CHRM3: variants seen among roughly 807,000 people sequenced by gnomAD.
The protein encoded by CHRM3 is cholinergic receptor muscarinic 3.
In CHRM3, 11 loss-of-function variants were observed where a neutral mutation model predicts 41.8. That is an observed-to-expected ratio of 0.26 (90% CI 0.17 to 0.44). The LOEUF (loss-of-function observed/expected upper bound fraction) is 0.44. Among genes scored for constraint, CHRM3 ranks in the 20% least tolerant of loss-of-function variants. The probability of loss-of-function intolerance (pLI) is 1.00; values close to 1 mark genes in which losing one functional copy is unlikely to be tolerated. For missense variants in CHRM3, 571 were observed against 745.4 expected, an observed-to-expected ratio of 0.77 and a Z score of 2.72; for synonymous variants, 297 against 301.4, an observed-to-expected ratio of 0.99 and a Z score of 0.15.
intron 3 of CHRM3, among the ~76,000 whole-genome samples, chr1:239,575,138 C>T (rs1316374396): frequency 1.3e-5 from 2 of 152,132 alleles, no homozygotes; most frequent in Non-Finnish European, 2.9e-5. Flanking sequence ...TAAATAGACT[C>T]AAGTCTTGTT....
chr1:239,419,807 G>A (rs1661798515), intron 1 of CHRM3, among the ~76,000 whole-genome samples: 1 of 152,068 alleles, frequency 6.6e-6, no homozygotes, highest in Non-Finnish European at 1.5e-5. Context: ...ATTCTTCATG[G>A]GCTTATAAGA....
intron 1 of CHRM3, among the ~76,000 whole-genome samples, chr1:239,445,304 G>A (rs538774140): frequency 1.3e-5 from 2 of 152,176 alleles, no homozygotes; most frequent in Non-Finnish European, 1.5e-5. Context: ...TACCTTCTTA[G>A]CACCCTCATG....
At chr1:239,579,952 C>G (rs1662714337) in intron 3 of CHRM3, among the ~76,000 whole-genome samples, 1 of 152,122 alleles carries the variant, frequency 6.6e-6, no homozygotes, top group Non-Finnish European at 1.5e-5. Flanking sequence ...CTGCAGCTCA[C>G]AGATGTGTGA....
intron 5 of CHRM3, among the ~76,000 whole-genome samples, chr1:239,680,475 A>G (rs939918694): frequency 6.6e-6 from 1 of 152,080 alleles, no homozygotes; most frequent in African/African-American, 2.4e-5. Flanking sequence ...AAGTATAGAA[A>G]TGACAGACAT....
chr1:239,488,823 A>T (rs770281760), intron 1 of CHRM3, among the ~76,000 whole-genome samples: 11 of 151,698 alleles, frequency 7.3e-5, no homozygotes, highest in Non-Finnish European at 1.6e-4. Flanking sequence ...AAGAAAGTAC[A>T]GCATATACTG....
At chr1:239,733,679 G>A (rs187180310) in intron 5 of CHRM3, among the ~76,000 whole-genome samples, 2 of 152,056 alleles carry the variant, frequency 1.3e-5, no homozygotes, top group Admixed American at 6.6e-5. Flanking sequence ...TAAAATTAAA[G>A]GATGAAGATT....
chr1:239,534,125 C>T (rs372023918), intron 2 of CHRM3, among the ~76,000 whole-genome samples: 3 of 152,088 alleles, frequency 2.0e-5, no homozygotes, highest in Non-Finnish European at 2.9e-5. Flanking sequence ...GTCAGGAGTT[C>T]GAGACCAGCC....
chr1:239,806,889 C>A (rs1356636215), intron 5 of CHRM3, among the ~76,000 whole-genome samples: 1 of 152,154 alleles, frequency 6.6e-6, no homozygotes, highest in Admixed American at 6.5e-5. Flanking sequence ...ATAAACTGTT[C>A]ACAGAAGAAT....
chr1:239,678,109 A>G (rs1037056632), intron 4 of CHRM3, 77 bp from the exon 5 acceptor site: 1 of 152,226 alleles, frequency 6.6e-6, no homozygotes, highest in African/African-American at 2.4e-5. Flanking sequence ...TCCATCTCAC[A>G]ATTCAGTGAT....
At chr1:239,848,074 A>G (rs1462487649) in intron 6 of CHRM3, among the ~76,000 whole-genome samples, 1 of 151,762 alleles carries the variant, frequency 6.6e-6, no homozygotes, top group African/African-American at 2.4e-5. Flanking sequence ...TATTAAAAAT[A>G]CCCTTTTAAG....
intron 1 of CHRM3, among the ~76,000 whole-genome samples, chr1:239,441,783 T>C (rs927800666): frequency 6.6e-6 from 1 of 152,214 alleles, no homozygotes; most frequent in African/African-American, 2.4e-5. Flanking sequence ...AAAATTCTGC[T>C]TCAAACCTGC....
chr1:239,694,982 T>A (rs534173509), intron 5 of CHRM3, among the ~76,000 whole-genome samples: 7 of 150,558 alleles, frequency 4.6e-5, no homozygotes, highest in Non-Finnish European at 1.0e-4. Flanking sequence ...AAGATGGAAC[T>A]GATTATTGAA....
chr1:239,478,880 A>G (rs766458482), intron 1 of CHRM3, among the ~76,000 whole-genome samples: 1 of 152,154 alleles, frequency 6.6e-6, no homozygotes, highest in Non-Finnish European at 1.5e-5. Context: ...ATGGTTTTTC[A>G]CAAATTAAAA....
chr1:239,589,550 G>T (rs1265728506), intron 3 of CHRM3, among the ~76,000 whole-genome samples: 1 of 146,420 alleles, frequency 6.8e-6, no homozygotes, highest in Non-Finnish European at 1.5e-5. Context: ...TAATTTCCAT[G>T]CATTAATATG....
intron 4 of CHRM3, among the ~76,000 whole-genome samples, chr1:239,639,425 C>T (rs1670851496): frequency 6.6e-6 from 1 of 152,098 alleles, no homozygotes; most frequent in Non-Finnish European, 1.5e-5. Context: ...TTCTTTGTAT[C>T]CTCTTTTATT....
intron 3 of CHRM3, among the ~76,000 whole-genome samples, chr1:239,617,679 A>G (rs1667781180): frequency 6.6e-6 from 1 of 152,174 alleles, no homozygotes; most frequent in Non-Finnish European, 1.5e-5. Context: ...GGCTGCAATG[A>G]GCTGTGATGG....
rs538295474 is a variant in CHRM3 at position 239,659,180 on chromosome 1, C to T, written c.-249-19006C>T. Among the ~76,000 whole-genome samples, 26 of 152,234 alleles carry T rather than the reference C, an allele frequency of 1.7e-4. No individual in the cohort carries two copies. In the South Asian group the frequency reaches 2.9e-3, roughly 17 times the overall value. Reference sequence around the variant, plus strand: ...TTCTGCTTTATGTTCTCTTTCTATACGTGTTCTCTGCTCCCTGTGTCTCTG... The same window carrying T: ...TTCTGCTTTATGTTCTCTTTCTATATGTGTTCTCTGCTCCCTGTGTCTCTG... On this transcript the variant is annotated intron_variant, in intron 4 of 6. Coordinates refer to ENST00000676153, the MANE Select transcript of CHRM3 (RefSeq NM_001375978.1).
At chr1:239,836,715 C>T (rs1317337687) in intron 6 of CHRM3, among the ~76,000 whole-genome samples, 2 of 152,122 alleles carry the variant, frequency 1.3e-5, no homozygotes, top group Non-Finnish European at 2.9e-5. Flanking sequence ...TGGTGGCTCA[C>T]GTCTGTAATC....
At chr1:239,488,165 T>C (rs1667310549) in intron 1 of CHRM3, among the ~76,000 whole-genome samples, 1 of 152,132 alleles carries the variant, frequency 6.6e-6, no homozygotes, top group Admixed American at 6.6e-5. Flanking sequence ...TTTGGCTAAT[T>C]GCCTACCAAC....
Sources: allele counts gnomAD v4.1 joint callset (sites outside exome capture counted in the v4.1 genomes callset), GRCh38; gene constraint gnomAD v4.1.1; transcripts MANE v1.5; gene names NCBI Gene and HGNC (gene_info 2026-07-23, HGNC 2026-07-21).